The following FRMD4B variants were observed in gnomAD, a reference collection of about 807,000 sequenced individuals.
The protein encoded by FRMD4B is FERM domain-containing protein 4B.
Under a neutral mutation model 141.5 loss-of-function variants are expected in FRMD4B, and 74 were observed. The observed-to-expected ratio is 0.52, with a 90% CI of 0.43 to 0.63. FRMD4B has a LOEUF of 0.63. Ranked by LOEUF, FRMD4B falls within the 30% of genes least tolerant of loss-of-function variation. The pLI, the probability that FRMD4B is intolerant of heterozygous loss-of-function variation, is 0.00. For synonymous variants in FRMD4B, 506 were observed against 467.9 expected, an observed-to-expected ratio of 1.08 and a Z score of -1.05; for missense variants, 1,366 against 1,253.4, an observed-to-expected ratio of 1.09 and a Z score of -1.36.
In FRMD4B at chr3:69,436,262, G is replaced by A. The variant is rs887850322; in HGVS notation, c.-128-3501C>T. ...CTAATAATGCAATCAATATTCTGTG[G>A]AGCACACTTTGGGAAATGCTGAAAT... On this transcript the variant is annotated intron_variant, in intron 1 of 5. Transcript: ENST00000459638. 5.3e-5 allele frequency among the ~76,000 whole-genome samples: 8 copies of A among 152,074 alleles called. No individual in the cohort carries two copies. The South Asian group carries it at 6.2e-4, about 12-fold the overall frequency.
chr3:69,537,642 A>G (rs967157152), intron 1 of FRMD4B, among the ~76,000 whole-genome samples: 2 of 152,190 alleles, frequency 1.3e-5, no homozygotes, highest in African/African-American at 2.4e-5. Flanking sequence ...ACTACTATCA[A>G]TTTGACTTGT....
chr3:69,250,341 C>T (rs913823594), intron 5 of FRMD4B: 41 of 414,436 alleles, frequency 9.9e-5, no homozygotes, highest in East Asian at 2.4e-4. Flanking sequence ...GCTGTGGTGA[C>T]GGATTATGTG....
intron 1 of FRMD4B, among the ~76,000 whole-genome samples, chr3:69,349,291 GAAC>G (rs1268793615): frequency 1.3e-5 from 2 of 152,130 alleles, no homozygotes; most frequent in Admixed American, 6.5e-5. Flanking sequence ...TCTTCAAGGA[GAAC>G]TACAAACCAC....
intron 2 of FRMD4B, among the ~76,000 whole-genome samples, chr3:69,407,733 T>C (rs1023049151): frequency 4.6e-5 from 7 of 152,190 alleles, no homozygotes; most frequent in African/African-American, 1.7e-4. Context: ...TAAGGCCCAG[T>C]GGGAAAGAGT....
chr3:69,309,655 T>C (rs932333300), intron 3 of FRMD4B, among the ~76,000 whole-genome samples: 29 of 144,556 alleles, frequency 2.0e-4, no homozygotes, highest in African/African-American at 7.2e-4. Context: ...CTATGTTACC[T>C]AGGTGGCTCT....
intron 5 of FRMD4B, among the ~76,000 whole-genome samples, chr3:69,265,635 G>C (rs1276999215): frequency 6.6e-6 from 1 of 151,408 alleles, no homozygotes; most frequent in Non-Finnish European, 1.5e-5. Flanking sequence ...TTTTAGTAGT[G>C]ACGGGGTTTC....
intron 2 of FRMD4B, among the ~76,000 whole-genome samples, chr3:69,410,713 A>C: frequency 1.4e-5 from 1 of 72,634 alleles, no homozygotes; most frequent in African/African-American, 5.5e-5. Flanking sequence ...ATATATAAAT[A>C]AATAAATAAA....
At chr3:69,269,130 T>C (rs2093582764) in intron 5 of FRMD4B, among the ~76,000 whole-genome samples, 1 of 151,622 alleles carries the variant, frequency 6.6e-6, no homozygotes, top group Non-Finnish European at 1.5e-5. Context: ...GCTTTCTCCA[T>C]GTTGGTCAGG....
chr3:69,311,004 T>C (rs1701568437), intron 3 of FRMD4B, among the ~76,000 whole-genome samples: 3 of 152,188 alleles, frequency 2.0e-5, no homozygotes, highest in African/African-American at 7.2e-5. Flanking sequence ...AGATACACTG[T>C]AATCGGGAAT....
At chr3:69,392,807 A>G (rs1704406965) in intron 2 of FRMD4B, among the ~76,000 whole-genome samples, 1 of 152,050 alleles carries the variant, frequency 6.6e-6, no homozygotes, top group Non-Finnish European at 1.5e-5. Context: ...GTCCCTCTAC[A>G]TCCCATTCCA....
At chr3:69,275,290 G>A (rs886642951) in intron 5 of FRMD4B, among the ~76,000 whole-genome samples, 2 of 152,028 alleles carry the variant, frequency 1.3e-5, no homozygotes, top group African/African-American at 4.8e-5. Context: ...AAAAAACGTC[G>A]TTGTCTTTAG....
chr3:69,219,181 C>A (rs2107738021), intron 9 of FRMD4B, among the ~76,000 whole-genome samples: 1 of 143,008 alleles, frequency 7.0e-6, no homozygotes, highest in East Asian at 2.1e-4. Flanking sequence ...AAAAAAAGTC[C>A]CCCCAAAATA....
At chr3:69,487,322 G>T (rs189210838) in intron 1 of FRMD4B, among the ~76,000 whole-genome samples, 13 of 152,320 alleles carry the variant, frequency 8.5e-5, no homozygotes, top group Non-Finnish European at 1.5e-4. Flanking sequence ...CACTGAGAAA[G>T]TTAGAGATAA....
intron 14 of FRMD4B, among the ~76,000 whole-genome samples, chr3:69,195,644 C>G (rs954495445): frequency 1.1e-4 from 17 of 152,070 alleles, no homozygotes; most frequent in African/African-American, 3.9e-4. Flanking sequence ...AGAAAAATTT[C>G]ATTTTTCTGA....
chr3:69,407,325 G>T (rs375444215), intron 2 of FRMD4B, among the ~76,000 whole-genome samples: 1 of 152,146 alleles, frequency 6.6e-6, no homozygotes, highest in Non-Finnish European at 1.5e-5. Context: ...TAGTAAAGGC[G>T]AGCGTTAGAT....
intron 1 of FRMD4B, among the ~76,000 whole-genome samples, chr3:69,519,400 G>T (rs1700816864): frequency 6.6e-6 from 1 of 152,140 alleles, no homozygotes; most frequent in South Asian, 2.1e-4. Flanking sequence ...GCATCTGTGT[G>T]TGTGTGGCGG....
At chr3:69,372,930 T>G (rs1204416936) in intron 1 of FRMD4B, among the ~76,000 whole-genome samples, 1 of 152,190 alleles carries the variant, frequency 6.6e-6, no homozygotes, top group Non-Finnish European at 1.5e-5. Flanking sequence ...GTTATACACG[T>G]AATGGGTAGC....
chr3:69,245,598 C>T (rs2093419176), intron 7 of FRMD4B, among the ~76,000 whole-genome samples: 1 of 151,920 alleles, frequency 6.6e-6, no homozygotes, highest in Non-Finnish European at 1.5e-5. Context: ...CCGCCTATCT[C>T]GGCCTCCTAA....
intron 11 of FRMD4B, among the ~76,000 whole-genome samples, chr3:69,199,796 T>G (rs561329409): frequency 6.6e-6 from 1 of 152,360 alleles, no homozygotes; most frequent in East Asian, 1.9e-4. Context: ...CAATGTGCAT[T>G]TGAAAACCAA....
Sources: gnomAD v4.1 joint callset for allele counts (sites outside exome capture counted in the v4.1 genomes callset) on GRCh38, gnomAD v4.1.1 for gene constraint, MANE v1.5 for transcripts, NCBI Gene and HGNC (gene_info 2026-07-23, HGNC 2026-07-21) for gene names.